The following UST variants were observed in gnomAD, a reference collection of about 807,000 sequenced individuals.
UST encodes the protein uronyl 2-sulfotransferase.
Under a neutral mutation model 45.6 loss-of-function variants are expected in UST, and 21 were observed. The observed-to-expected ratio is 0.46, with a 90% CI of 0.33 to 0.66. The LOEUF (loss-of-function observed/expected upper bound fraction) is 0.66, where lower values mean the gene tolerates loss of function less well. UST is among the 30% of genes least tolerant of loss of function. The pLI is 0.02. For missense variants in UST, 463 were observed against 512.4 expected (o/e 0.90, Z 0.93); for synonymous variants, 215 against 200.6 (o/e 1.07, Z -0.61).
At chr6:148,817,926 C>T (rs928978855) in intron 1 of UST, among the ~76,000 whole-genome samples, 3 of 152,162 alleles carry the variant, frequency 2.0e-5, no homozygotes, top group African/African-American at 4.8e-5. Context: ...ACAGTATAGT[C>T]TGTGGCTGCT....
intron 7 of UST, chr6:149,066,400 T>G (rs1776730314): frequency 6.7e-6 from 1 of 150,286 alleles, no homozygotes; most frequent in Non-Finnish European, 1.5e-5. Flanking sequence ...GGGAAGTGAG[T>G]TTTGATGGCA....
chr6:148,835,268 T>G (rs544697650), intron 1 of UST, among the ~76,000 whole-genome samples: 1 of 152,322 alleles, frequency 6.6e-6, no homozygotes, highest in Admixed American at 6.5e-5. Context: ...TACTGGAGGA[T>G]GTATGTATGT....
At position 149,049,929 on chromosome 6, in the gene UST, T is replaced by TCACACA. The variant is rs1219672960; in HGVS notation, c.938-23903_938-23902insACACAC. Reference sequence around the variant, plus strand: ...CCTTGTCTCTCTCTCTCTCTCTCTCTCTCACACACACACACACACACACAC... The same window carrying TCACACA: ...CCTTGTCTCTCTCTCTCTCTCTCTCTCACACACTCACACACACACACACACACACAC... On this transcript the variant is annotated intron_variant, in intron 7 of 7. Coordinates refer to ENST00000367463, the MANE Select transcript of UST (RefSeq NM_005715.3). 1.0e-2 allele frequency among the ~76,000 whole-genome samples: 1,295 copies of TCACACA among 129,736 alleles called. 6 individuals carry two copies. Among genetic ancestry groups the TCACACA allele is most frequent in the East Asian group, 0.017 (73 of 4,390 alleles). 85.1% of individuals were successfully genotyped at this position (129,736 alleles called of 152,430 possible).
chr6:149,040,092 A>C (rs1462771008), intron 7 of UST, among the ~76,000 whole-genome samples: 1 of 152,200 alleles, frequency 6.6e-6, no homozygotes, highest in East Asian at 1.9e-4. Flanking sequence ...ATAAAGATAA[A>C]AATTGCCACT....
intron 1 of UST, among the ~76,000 whole-genome samples, chr6:148,764,394 G>A (rs1776278836): frequency 6.6e-6 from 1 of 152,150 alleles, no homozygotes; most frequent in Admixed American, 6.5e-5. Flanking sequence ...TTTTGGAGGA[G>A]TCTTTAGGGT....
At chr6:148,931,937 T>G (rs1175189306) in intron 2 of UST, among the ~76,000 whole-genome samples, 1 of 152,228 alleles carries the variant, frequency 6.6e-6, no homozygotes, top group Non-Finnish European at 1.5e-5. Context: ...GAAATATGCC[T>G]TCAGGAAGGT....
chr6:148,754,499 A>G (rs577508269), intron 1 of UST, among the ~76,000 whole-genome samples: 84 of 152,104 alleles, frequency 5.5e-4, no homozygotes, highest in Non-Finnish European at 7.2e-4. Flanking sequence ...CCATTGTGTC[A>G]TTCTTATGCC....
chr6:149,051,347 T>A (rs1157527552), intron 7 of UST, among the ~76,000 whole-genome samples: 1 of 152,178 alleles, frequency 6.6e-6, no homozygotes, highest in Non-Finnish European at 1.5e-5. Context: ...AGACATGATG[T>A]AGAAAGTCAG....
rs112612874 is a variant in UST, at chr6:148,843,739, T to C, written c.248-43247T>C. Among the ~76,000 whole-genome samples the C allele has an allele frequency of 3.6e-3, 551 of 152,354 alleles. 3 individuals carry two copies. Among genetic ancestry groups the C allele is most frequent in the African/African-American group, 0.012 (511 of 41,588 alleles). On this transcript the variant is annotated intron_variant, in intron 1 of 7. Coordinates refer to ENST00000367463, the MANE Select transcript of UST (RefSeq NM_005715.3). ...AGCCATGCTCCAATGCAAATGGGCC[T>C]AGCAAGTTCAAATACATTTGTAATT...
At chr6:148,792,972 A>T (rs1456491103) in intron 1 of UST, among the ~76,000 whole-genome samples, 1 of 152,210 alleles carries the variant, frequency 6.6e-6, no homozygotes, top group Non-Finnish European at 1.5e-5. Flanking sequence ...TGCAATAATG[A>T]TTAATTATAA....
At chr6:148,845,738 T>C (rs894546581) in intron 1 of UST, among the ~76,000 whole-genome samples, 1 of 152,248 alleles carries the variant, frequency 6.6e-6, no homozygotes, top group Non-Finnish European at 1.5e-5. Flanking sequence ...ACACTCCCAC[T>C]AACAATGTGT....
intron 7 of UST, among the ~76,000 whole-genome samples, chr6:149,035,409 G>T (rs1776227146): frequency 6.6e-6 from 1 of 152,086 alleles, no homozygotes; most frequent in African/African-American, 2.4e-5. Flanking sequence ...CAGTCTGAAG[G>T]CTTTCCTCTG....
At chr6:149,040,028 G>A (rs997696532) in intron 7 of UST, among the ~76,000 whole-genome samples, 70 of 152,164 alleles carry the variant, frequency 4.6e-4, no homozygotes, top group Non-Finnish European at 8.8e-4. Context: ...TGCCTACCTG[G>A]GTCACTGGGT....
chr6:149,007,377 T>G (rs1047474166), intron 5 of UST, among the ~76,000 whole-genome samples: 6 of 150,682 alleles, frequency 4.0e-5, no homozygotes, highest in Non-Finnish European at 7.4e-5. Context: ...AAGCTCTGCC[T>G]TCTGGGTTCA....
intron 5 of UST, among the ~76,000 whole-genome samples, chr6:148,983,791 A>G (rs1562320574): frequency 1.3e-5 from 2 of 152,242 alleles, no homozygotes; most frequent in East Asian, 1.9e-4. Context: ...TCACCAATCT[A>G]CTTCTGAAGA....
chr6:148,991,380 C>T (rs1781348952), intron 5 of UST, among the ~76,000 whole-genome samples: 1 of 151,858 alleles, frequency 6.6e-6, no homozygotes, highest in South Asian at 2.1e-4. Flanking sequence ...TATTATTATA[C>T]TTTAAGTTCT....
At position 148,747,057 on chromosome 6, in the gene UST, G is replaced by T. The variant is rs1309975693; in HGVS notation, c.-374G>T. Among the ~76,000 whole-genome samples, 1 of 151,396 alleles carries T rather than the reference G, an allele frequency of 6.6e-6. No individual in the cohort carries two copies. Among genetic ancestry groups the T allele is most frequent in the Non-Finnish European group, 1.5e-5 (1 of 67,596 alleles). On this transcript the variant is annotated 5_prime_UTR_variant, in exon 1 of 8. Transcript: ENST00000367463. ...AGAAGCCTGAACCGGGACAAAACAC[G>T]CCGAGACCTACAGACACAAAGCCGG...
chr6:148,815,140 A>G (rs1415190982), intron 1 of UST, among the ~76,000 whole-genome samples: 2 of 152,246 alleles, frequency 1.3e-5, no homozygotes, highest in Non-Finnish European at 2.9e-5. Flanking sequence ...TACTTGTAAA[A>G]AGCAAGGTAC....
chr6:148,964,721 G>C, intron 5 of UST, 158 bp downstream of exon 5: 1 of 867,472 alleles, frequency 1.2e-6, no homozygotes, highest in Non-Finnish European at 1.7e-6. Context: ...GTCTTGGCGA[G>C]AGAAACTGGT....
Sources: allele counts gnomAD v4.1 joint callset (sites outside exome capture counted in the v4.1 genomes callset), GRCh38; gene constraint gnomAD v4.1.1; transcripts MANE v1.5; gene names NCBI Gene and HGNC (gene_info 2026-07-23, HGNC 2026-07-21).